IL1RAPL1: variants seen among roughly 807,000 people sequenced by gnomAD.
The protein encoded by IL1RAPL1 is interleukin 1 receptor accessory protein like 1.
A neutral mutation model predicts 48.4 loss-of-function variants in IL1RAPL1; 3 were observed. That is an observed-to-expected ratio of 0.06 (90% CI 0.03 to 0.16). The LOEUF (loss-of-function observed/expected upper bound fraction) is 0.16, where lower values mean the gene tolerates loss of function less well. Among genes scored for constraint, IL1RAPL1 ranks in the 10% least tolerant of loss-of-function variants. IL1RAPL1 has a pLI of 1.00. For synonymous variants in IL1RAPL1, 185 were observed against 187.7 expected, an observed-to-expected ratio of 0.99 and a Z score of 0.12; for missense variants, 349 against 530.6, an observed-to-expected ratio of 0.66 and a Z score of 3.36.
At chrX:29,615,708 T>C (rs1028440364) in intron 5 of IL1RAPL1, among the ~76,000 whole-genome samples, 3 of 112,306 alleles carry the variant, frequency 2.7e-5, no homozygotes, top group Admixed American at 1.9e-4. Context: ...AAAAAAGTTT[T>C]TCAATCCAAA....
In IL1RAPL1 at chrX:29,815,860, T is replaced by C. The variant is rs551516963; in HGVS notation, c.779-101604T>C. Among the ~76,000 whole-genome samples, 3 of 111,413 alleles carry C rather than the reference T, an allele frequency of 2.7e-5. No individual in the cohort carries two copies. In the South Asian group the frequency reaches 1.1e-3, roughly 42 times the overall value. ...TGTGTCTATTGAAATGATCATATAGTTTTTGTTTTTAATTTTGTTTATGTG... is the reference window on the plus strand; with the variant it reads ...TGTGTCTATTGAAATGATCATATAGCTTTTGTTTTTAATTTTGTTTATGTG... On this transcript the variant is annotated intron_variant, in intron 6 of 10. Coordinates refer to ENST00000378993, the MANE Select transcript of IL1RAPL1 (RefSeq NM_014271.4).
At chrX:29,128,959 G>A (rs985729024) in intron 2 of IL1RAPL1, among the ~76,000 whole-genome samples, 7 of 110,268 alleles carry the variant, frequency 6.3e-5, no homozygotes, top group African/African-American at 9.9e-5. Context: ...AAACCACCAC[G>A]TGTAGGGACC....
intron 3 of IL1RAPL1, among the ~76,000 whole-genome samples, chrX:29,287,222 C>A (rs975653220): frequency 9.8e-5 from 11 of 111,803 alleles, no homozygotes; most frequent in African/African-American, 3.6e-4. Context: ...TTTCACTCAG[C>A]ATAATTCCTT....
chrX:29,462,973 A>T (rs1934819804), intron 5 of IL1RAPL1, among the ~76,000 whole-genome samples: 1 of 112,021 alleles, frequency 8.9e-6, no homozygotes, highest in Admixed American at 9.5e-5. Flanking sequence ...CCTGCATGAA[A>T]TAAAAGATTC....
At chrX:29,043,937 C>G (rs1304910842) in intron 2 of IL1RAPL1, among the ~76,000 whole-genome samples, 1 of 111,668 alleles carries the variant, frequency 9.0e-6, no homozygotes, top group Non-Finnish European at 1.9e-5. Context: ...TAGAGGGTAT[C>G]ATGTTTTAAG....
At chrX:29,508,615 A>G (rs1390952604) in intron 5 of IL1RAPL1, among the ~76,000 whole-genome samples, 1 of 112,056 alleles carries the variant, frequency 8.9e-6, no homozygotes, top group Admixed American at 9.4e-5. Flanking sequence ...ATCATTTACA[A>G]TTTCTCCAAG....
rs1931075991 is a variant in IL1RAPL1 at position 29,838,990 on chromosome X, G to A, written c.779-78474G>A. Among the ~76,000 whole-genome samples the A allele has an allele frequency of 2.7e-5, 3 of 111,941 alleles. No homozygotes were observed. The Admixed American group carries it at 2.8e-4, about 11-fold the overall frequency. On this transcript the variant is annotated intron_variant, in intron 6 of 10. Coordinates refer to ENST00000378993, the MANE Select transcript of IL1RAPL1 (RefSeq NM_014271.4). Reference sequence around the variant, plus strand: ...TCCATTTTCCAGCATTGCAGCCTGAGCTTTTCCAAATGATGGTGTGGCAGT... The same window carrying A: ...TCCATTTTCCAGCATTGCAGCCTGAACTTTTCCAAATGATGGTGTGGCAGT...
intron 5 of IL1RAPL1, among the ~76,000 whole-genome samples, chrX:29,593,849 C>T (rs977733617): frequency 4.5e-5 from 5 of 112,045 alleles, no homozygotes; most frequent in African/African-American, 1.6e-4. Context: ...TCTTTAATGA[C>T]AAGAAATTGC....
intron 2 of IL1RAPL1, among the ~76,000 whole-genome samples, chrX:28,848,861 C>T (rs1921580998): frequency 8.9e-6 from 1 of 111,829 alleles, no homozygotes; most frequent in Non-Finnish European, 1.9e-5. Context: ...AAAATAGTCA[C>T]ATTTCCTCAA....
At chrX:29,190,797 C>G (rs1010485366) in intron 2 of IL1RAPL1, among the ~76,000 whole-genome samples, 8 of 112,168 alleles carry the variant, frequency 7.1e-5, no homozygotes, top group African/African-American at 2.6e-4. Context: ...CAGAACTCTT[C>G]CCTGATGAAA....
intron 5 of IL1RAPL1, among the ~76,000 whole-genome samples, chrX:29,638,268 CTT>C (rs775877178): frequency 0.069 from 6,415 of 92,793 alleles, 125 homozygotes; most frequent in East Asian, 0.18. Flanking sequence ...CACCAATTAA[CTT>C]TTTTTTTTTT....
intron 2 of IL1RAPL1, among the ~76,000 whole-genome samples, chrX:28,904,493 C>G (rs1018784419): frequency 1.8e-5 from 2 of 112,044 alleles, no homozygotes; most frequent in African/African-American, 6.5e-5. Context: ...CACAATAAAT[C>G]ATTATTATCA....
chrX:29,754,742 T>C (rs1928569175), intron 6 of IL1RAPL1, among the ~76,000 whole-genome samples: 1 of 113,063 alleles, frequency 8.8e-6, no homozygotes, highest in Non-Finnish European at 1.9e-5. Flanking sequence ...GAGCATGATG[T>C]GTATGTGCAT....
intron 5 of IL1RAPL1, among the ~76,000 whole-genome samples, chrX:29,650,294 C>T (rs1383346403): frequency 5.4e-5 from 6 of 111,812 alleles, no homozygotes; most frequent in South Asian, 3.7e-4. Flanking sequence ...GTTTTATAAA[C>T]TGCAAAAGAC....
chrX:29,316,900 A>G (rs771503345), intron 3 of IL1RAPL1, among the ~76,000 whole-genome samples: 1 of 110,836 alleles, frequency 9.0e-6, no homozygotes, highest in East Asian at 2.8e-4. Context: ...TTTGCTCTCT[A>G]TTTTACAATA....
At chrX:29,159,674 C>G (rs1481140488) in intron 2 of IL1RAPL1, among the ~76,000 whole-genome samples, 3 of 111,818 alleles carry the variant, frequency 2.7e-5, no homozygotes, top group Admixed American at 9.5e-5. Context: ...ATCAGTGAGG[C>G]CCTACATAAA....
chrX:29,056,922 A>G (rs766888138), intron 2 of IL1RAPL1, among the ~76,000 whole-genome samples: 1 of 112,443 alleles, frequency 8.9e-6, no homozygotes, highest in South Asian at 3.7e-4. Flanking sequence ...AATGAAATTA[A>G]CACATTAACT....
intron 2 of IL1RAPL1, among the ~76,000 whole-genome samples, chrX:28,987,247 A>T (rs1925498256): frequency 8.9e-6 from 1 of 112,393 alleles, no homozygotes; most frequent in African/African-American, 3.2e-5. Flanking sequence ...TGGATCTATC[A>T]GAGATTGAGT....
intron 2 of IL1RAPL1, among the ~76,000 whole-genome samples, chrX:29,222,018 A>AAAAC (rs1930991631): frequency 9.3e-6 from 1 of 107,735 alleles, no homozygotes; most frequent in Non-Finnish European, 1.9e-5. Flanking sequence ...ATTCCGTCAA[A>AAAAC]AAAAAAAAAA....
Sources: allele counts gnomAD v4.1 joint callset (sites outside exome capture counted in the v4.1 genomes callset), GRCh38; gene constraint gnomAD v4.1.1; transcripts MANE v1.5; gene names NCBI Gene and HGNC (gene_info 2026-07-23, HGNC 2026-07-21).